The following TMPRSS11E variants were observed in gnomAD, a reference collection of about 807,000 sequenced individuals.
TMPRSS11E encodes transmembrane serine protease 11E.
Under a neutral mutation model 48.1 loss-of-function variants are expected in TMPRSS11E, and 38 were observed. The ratio of observed to expected loss-of-function variants is 0.79; its 90% CI spans 0.61 to 1.04. The LOEUF (loss-of-function observed/expected upper bound fraction) is 1.04, where lower values mean the gene tolerates loss of function less well. Ranked by LOEUF, TMPRSS11E falls within the 50% of genes least tolerant of loss-of-function variation. TMPRSS11E has a pLI of 0.00. For missense variants in TMPRSS11E, 530 were observed against 510.8 expected (o/e 1.04, Z -0.36); for synonymous variants, 158 against 171.9 (o/e 0.92, Z 0.63).
rs190430040 is a variant in TMPRSS11E at position 68,458,351 on chromosome 4, A to G, written c.12-3470A>G. 9.7e-3 allele frequency among the ~76,000 whole-genome samples: 1,343 copies of G among 138,780 alleles called. 23 individuals carry two copies. Among genetic ancestry groups the G allele is most frequent in the Middle Eastern group, 0.011 (3 of 266 alleles). The allele number at this position is 138,780 out of a possible 152,430, so 91.0% of individuals were successfully genotyped here. On this transcript the variant is annotated intron_variant, in intron 1 of 9. Coordinates refer to ENST00000305363, the MANE Select transcript of TMPRSS11E (RefSeq NM_014058.4). Reference sequence around the variant, plus strand: ...TTGTTTTCTGGCAATTTGGGGCTAAAAAAACAAAGCATACTTTAACTGTTA... The same window carrying G: ...TTGTTTTCTGGCAATTTGGGGCTAAGAAAACAAAGCATACTTTAACTGTTA...
chr4:68,482,076 C>A (rs185385768), intron 9 of TMPRSS11E, among the ~76,000 whole-genome samples: 4 of 152,292 alleles, frequency 2.6e-5, no homozygotes, highest in African/African-American at 9.6e-5. Context: ...TGCTCGGTTT[C>A]TAGGGAGGAA....
intron 1 of TMPRSS11E, among the ~76,000 whole-genome samples, chr4:68,451,967 T>C (rs1363167215): frequency 5.9e-5 from 9 of 151,986 alleles, no homozygotes; most frequent in Non-Finnish European, 1.3e-4. Flanking sequence ...ACTGACTTAC[T>C]GTCTTAAAAG....
chr4:68,494,340 G>T (rs1172589848), intron 9 of TMPRSS11E, among the ~76,000 whole-genome samples: 1 of 152,114 alleles, frequency 6.6e-6, no homozygotes, highest in Non-Finnish European at 1.5e-5. Flanking sequence ...TGTTGCCTGG[G>T]TTTTTAAGTT....
chr4:68,483,705 C>T (rs3109120), intron 9 of TMPRSS11E, among the ~76,000 whole-genome samples: 50,802 of 151,982 alleles, frequency 0.33, 8,798 homozygotes, highest in Non-Finnish European at 0.37. Flanking sequence ...AAAAGCTTTG[C>T]TAAGGCTGAT....
At chr4:68,486,034 T>C (rs889179243) in intron 9 of TMPRSS11E, among the ~76,000 whole-genome samples, 1 of 152,192 alleles carries the variant, frequency 6.6e-6, no homozygotes, top group Admixed American at 6.5e-5. Context: ...TTTCTTTTTT[T>C]TCTTTGTTAG....
chr4:68,478,188 A>G lies in TMPRSS11E; in HGVS notation c.967+560A>G, dbSNP rs1729289878. Among the ~76,000 whole-genome samples, 6 of 123,770 alleles carry G rather than the reference A, an allele frequency of 4.8e-5. No homozygotes were observed. The South Asian group carries it at 1.6e-3, about 32-fold the overall frequency. 81.2% of individuals were successfully genotyped at this position (123,770 alleles called of 152,430 possible). A position where few individuals can be genotyped will look rare whatever the true frequency, so the allele number is the denominator to read the frequency against. On this transcript the variant is annotated intron_variant, in intron 8 of 9. Transcript: ENST00000305363. The stretch of plus-strand genomic sequence containing the variant: ...TTTGAGACAGAGTCTCCTTGTTGAG[A>G]CAGAGTCTCCAGGCAGAAGTGCAAT...
At chr4:68,494,778 A>G (rs781143927) in intron 9 of TMPRSS11E, among the ~76,000 whole-genome samples, 2 of 152,208 alleles carry the variant, frequency 1.3e-5, no homozygotes, top group Non-Finnish European at 2.9e-5. Flanking sequence ...CTGGTGGCTT[A>G]CTCAGGGCAT....
intron 1 of TMPRSS11E, among the ~76,000 whole-genome samples, chr4:68,461,544 T>A (rs1560548689): frequency 6.6e-6 from 1 of 152,210 alleles, no homozygotes; most frequent in Non-Finnish European, 1.5e-5. Flanking sequence ...TAGTACTTCA[T>A]TTAATCCTCA....
rs751330113 is a variant in TMPRSS11E at position 68,474,721 on chromosome 4, A to G, written c.491-2A>G. ...CCTATTTGCCATTTCTGTGTGTTTC[A>G]GAAATCAACAAGACAGAAACAGACA... is the stretch of plus-strand genomic sequence containing the variant. On this transcript the variant is annotated splice_acceptor_variant, in intron 5 of 9. Transcript: ENST00000305363. LOFTEE classifies it high-confidence loss of function. The G allele has an allele frequency of 1.2e-6, 2 of 1,607,156 alleles. No individual in the cohort carries two copies. The highest frequency in any genetic ancestry group is 2.2e-5 in the South Asian group (2 of 89,004).
At chr4:68,496,569 T>G in intron 9 of TMPRSS11E, 74 bp from the exon 10 acceptor site, 1 of 1,435,336 alleles carries the variant, frequency 7.0e-7, no homozygotes, top group Non-Finnish European at 9.4e-7. Context: ...CATTACATTC[T>G]TAAGTTAGAA....
chr4:68,492,136 C>T (rs553587913), intron 9 of TMPRSS11E, among the ~76,000 whole-genome samples: 30 of 152,326 alleles, frequency 2.0e-4, no homozygotes, highest in South Asian at 1.7e-3. Context: ...CCACACACTA[C>T]TAAAAATTCC....
intron 1 of TMPRSS11E, among the ~76,000 whole-genome samples, chr4:68,460,030 A>T (rs1282826168): frequency 6.6e-6 from 1 of 152,184 alleles, no homozygotes; most frequent in African/African-American, 2.4e-5. Flanking sequence ...AATTCTACTC[A>T]AGGGAAAACT....
chr4:68,494,028 C>T (rs1160937626), intron 9 of TMPRSS11E, among the ~76,000 whole-genome samples: 1 of 152,106 alleles, frequency 6.6e-6, no homozygotes, highest in Admixed American at 6.5e-5. Flanking sequence ...CTACTCATTT[C>T]TGGCTGTATC....
intron 9 of TMPRSS11E, among the ~76,000 whole-genome samples, chr4:68,490,662 C>T (rs932822277): frequency 1.1e-4 from 16 of 151,608 alleles, no homozygotes; most frequent in African/African-American, 3.6e-4. Context: ...CTTGACTTCC[C>T]ACTACCTCTC....
At chr4:68,473,788 T>G (rs1448068064) in intron 5 of TMPRSS11E, among the ~76,000 whole-genome samples, 1 of 152,084 alleles carries the variant, frequency 6.6e-6, no homozygotes, top group Admixed American at 6.6e-5. Context: ...GAACAGGTTA[T>G]TTGAAACAAA....
chr4:68,488,132 G>A (rs1227211348), intron 9 of TMPRSS11E, among the ~76,000 whole-genome samples: 2 of 151,958 alleles, frequency 1.3e-5, no homozygotes, highest in African/African-American at 4.8e-5. Flanking sequence ...TGACGACAAG[G>A]CGTCTGGAGG....
intron 9 of TMPRSS11E, among the ~76,000 whole-genome samples, chr4:68,486,892 C>T (rs1396469726): frequency 6.6e-6 from 1 of 152,004 alleles, no homozygotes; most frequent in Non-Finnish European, 1.5e-5. Flanking sequence ...ATTTTTTGTC[C>T]TTTTTAATTA....
At chr4:68,473,375 C>T (rs925040862) in intron 5 of TMPRSS11E, among the ~76,000 whole-genome samples, 17 of 152,000 alleles carry the variant, frequency 1.1e-4, no homozygotes, top group Non-Finnish European at 2.4e-4. Flanking sequence ...CATGTCAGTC[C>T]ACCTCTGCTT....
rs529994457 is a variant in TMPRSS11E at position 68,483,049 on chromosome 4, G to A, written c.1110+4058G>A. ...CATAGTTACCAATTTTCTGTGTTAG[G>A]CTGTTCTTGCATTGCTATTAAGAAA... On this transcript the variant is annotated intron_variant, in intron 9 of 9. Transcript: ENST00000305363. Among the ~76,000 whole-genome samples, 171 of 152,230 alleles carry A rather than the reference G, an allele frequency of 1.1e-3. 1 individual carries two copies. The highest frequency in any genetic ancestry group is 3.8e-3 in the African/African-American group (158 of 41,524).
Sources: gnomAD v4.1 joint callset for allele counts (sites outside exome capture counted in the v4.1 genomes callset) on GRCh38, gnomAD v4.1.1 for gene constraint, MANE v1.5 for transcripts, NCBI Gene and HGNC (gene_info 2026-07-23, HGNC 2026-07-21) for gene names.